IKZF2: variants seen among roughly 807,000 people sequenced by gnomAD.
IKZF2 encodes the protein IKAROS family zinc finger 2.
Under a neutral mutation model 49.2 loss-of-function variants are expected in IKZF2, and 15 were observed. The observed-to-expected ratio is 0.30, with a 90% confidence interval of 0.20 to 0.47. The LOEUF is 0.47. IKZF2 is among the 20% of genes least tolerant of loss of function. IKZF2 has a pLI of 1.00. For missense variants in IKZF2, 567 were observed against 664.6 expected, an observed-to-expected ratio of 0.85 and a Z score of 1.61; for synonymous variants, 227 against 221.4, an observed-to-expected ratio of 1.03 and a Z score of -0.23.
At chr2:213,078,979 G>A (rs1011429566) in intron 4 of IKZF2, among the ~76,000 whole-genome samples, 6 of 152,188 alleles carry the variant, frequency 3.9e-5, no homozygotes, top group African/African-American at 7.2e-5. Context: ...TCATTGTGAC[G>A]TTAAATCTAT....
chr2:213,131,713 T>C (rs764723134), intron 4 of IKZF2, among the ~76,000 whole-genome samples: 1 of 152,180 alleles, frequency 6.6e-6, no homozygotes. Context: ...GCTAGAGCCA[T>C]CGTTAGAGCA....
chr2:213,043,465 G>C (rs1027479485), intron 6 of IKZF2, among the ~76,000 whole-genome samples: 2 of 152,094 alleles, frequency 1.3e-5, no homozygotes, highest in African/African-American at 4.8e-5. Context: ...AGGAAAAAGG[G>C]AGGCTAATAC....
chr2:213,096,421 T>C (rs1169496850), intron 4 of IKZF2, among the ~76,000 whole-genome samples: 1 of 151,774 alleles, frequency 6.6e-6, no homozygotes, highest in African/African-American at 2.4e-5. Context: ...TTTTAGCATG[T>C]TTCTTTTCAA....
intron 4 of IKZF2, among the ~76,000 whole-genome samples, chr2:213,121,886 T>C (rs181700969): frequency 6.6e-6 from 1 of 152,324 alleles, no homozygotes; most frequent in East Asian, 1.9e-4. Flanking sequence ...ACAAACTCCC[T>C]GGCTGAAACA....
chr2:213,095,208 C>T (rs1705831384), intron 4 of IKZF2, among the ~76,000 whole-genome samples: 1 of 151,952 alleles, frequency 6.6e-6, no homozygotes, highest in African/African-American at 2.4e-5. Context: ...AATAAATGTG[C>T]ATATAGATAG....
In IKZF2 at chr2:213,072,121, T is replaced by A. The variant is rs1227172251; in HGVS notation, c.140-15022A>T. On this transcript the variant is annotated intron_variant, in intron 4 of 8. Coordinates refer to ENST00000434687, the MANE Select transcript of IKZF2 (RefSeq NM_001387220.1). ...ATTATCAGTCTTAATGAAATTCACT[T>A]GTCAGTTCTGTTTTGAAACAGTGAA... Among the ~76,000 whole-genome samples the A allele has an allele frequency of 3.3e-5, 5 of 152,104 alleles. No individual in the cohort carries two copies. The East Asian group carries it at 9.6e-4, about 29-fold the overall frequency.
chr2:213,090,814 G>C (rs572609954), intron 4 of IKZF2, among the ~76,000 whole-genome samples: 23 of 152,188 alleles, frequency 1.5e-4, no homozygotes, highest in African/African-American at 5.5e-4. Flanking sequence ...AGGGGAGAGG[G>C]ACATAGCAGA....
intron 6 of IKZF2, among the ~76,000 whole-genome samples, chr2:213,030,012 C>T (rs1698240562): frequency 6.6e-6 from 1 of 152,056 alleles, no homozygotes; most frequent in African/African-American, 2.4e-5. Context: ...CATGCCTTCA[C>T]CTATTTTTAA....
intron 8 of IKZF2, among the ~76,000 whole-genome samples, chr2:213,012,592 C>T (rs1416121898): frequency 6.6e-6 from 1 of 151,940 alleles, no homozygotes; most frequent in East Asian, 1.9e-4. Flanking sequence ...GGGGCTTCAA[C>T]TGACATAATA....
chr2:213,133,754 C>T (rs2060558054), intron 4 of IKZF2, among the ~76,000 whole-genome samples: 1 of 150,294 alleles, frequency 6.7e-6, no homozygotes, highest in South Asian at 2.1e-4. Context: ...CACTATTTTC[C>T]AGTAATGCTA....
At chr2:213,131,701 A>G (rs1436656687) in intron 4 of IKZF2, among the ~76,000 whole-genome samples, 1 of 152,148 alleles carries the variant, frequency 6.6e-6, no homozygotes, top group African/African-American at 2.4e-5. Context: ...AAAGTTGTCT[A>G]AGCTAGAGCC....
intron 4 of IKZF2, among the ~76,000 whole-genome samples, chr2:213,096,264 C>T (rs141745862): frequency 2.1e-3 from 320 of 151,910 alleles, no homozygotes; most frequent in Non-Finnish European, 3.6e-3. Flanking sequence ...CAAGCATGGC[C>T]CCACCAAAAT....
intron 4 of IKZF2, among the ~76,000 whole-genome samples, chr2:213,075,635 T>C (rs1416928806): frequency 6.6e-6 from 1 of 152,136 alleles, no homozygotes; most frequent in Non-Finnish European, 1.5e-5. Flanking sequence ...AAGTTTTCTT[T>C]TAACAAAACT....
intron 6 of IKZF2, among the ~76,000 whole-genome samples, chr2:213,026,527 G>A (rs996369772): frequency 1.3e-5 from 2 of 152,058 alleles, no homozygotes; most frequent in Non-Finnish European, 2.9e-5. Flanking sequence ...GAGTTTTTAT[G>A]AATGATATAA....
chr2:213,000,915 T>G lies in IKZF2; in HGVS notation c.*6445A>C, dbSNP rs985328051. 1 of 151,608 alleles carries G rather than the reference T, an allele frequency of 6.6e-6. No individual in the cohort carries two copies. The highest frequency in any genetic ancestry group is 1.5e-5 in the Non-Finnish European group (1 of 67,600). 9.4% of individuals were successfully genotyped at this position (151,608 alleles called of 1,614,324 possible). A position where few individuals can be genotyped will look rare whatever the true frequency, so the allele number is the denominator to read the frequency against. ...TACTAATTTCCATGGAAATTTAGCT[T>G]AAATAAAGATACCATGAGATCAGAC... is the stretch of plus-strand genomic sequence containing the variant. On this transcript the variant is annotated 3_prime_UTR_variant, in exon 9 of 9. Transcript: ENST00000434687.
chr2:213,067,187 T>C (rs1250142982), intron 4 of IKZF2, among the ~76,000 whole-genome samples: 1 of 152,112 alleles, frequency 6.6e-6, no homozygotes, highest in African/African-American at 2.4e-5. Flanking sequence ...TTAAATAAAA[T>C]TGTATAAACA....
At chr2:213,149,309 T>C (rs1329731060) in intron 2 of IKZF2, among the ~76,000 whole-genome samples, 1 of 151,982 alleles carries the variant, frequency 6.6e-6, no homozygotes, top group African/African-American at 2.4e-5. Flanking sequence ...AGTCTGATTT[T>C]GAAAATTTCA....
At chr2:213,150,297 T>C in intron 1 of IKZF2, 50 bp from the exon 2 acceptor site, 1 of 690,890 alleles carries the variant, frequency 1.4e-6, no homozygotes, top group Admixed American at 2.4e-5. Context: ...GTTTCCCCCT[T>C]CTCTCTTTCC....
Position 213,106,677 on chromosome 2 carries a change from GA to G in IKZF2, c.139+41030del, listed in dbSNP as rs985161718. Among the ~76,000 whole-genome samples the G allele has an allele frequency of 4.0e-5, 6 of 149,818 alleles. No individual in the cohort carries two copies. The East Asian group carries it at 5.9e-4, about 15-fold the overall frequency. On this transcript the variant is annotated intron_variant, in intron 4 of 8. Coordinates refer to ENST00000434687, the MANE Select transcript of IKZF2 (RefSeq NM_001387220.1). The stretch of plus-strand genomic sequence containing the variant: ...AAAAAGAAAAAAGAAAAGAAAAGAA[GA>G]AAAAAAATGTTTTTTAAGTAGGTTT...
Sources: gnomAD v4.1 joint callset for allele counts (sites outside exome capture counted in the v4.1 genomes callset) on GRCh38, gnomAD v4.1.1 for gene constraint, MANE v1.5 for transcripts, NCBI Gene and HGNC (gene_info 2026-07-23, HGNC 2026-07-21) for gene names.